Variants in CNGB1 observed in about 807,000 individuals in gnomAD.
The protein encoded by CNGB1 is cyclic nucleotide-gated channel beta-1.
In CNGB1, 126 loss-of-function variants were observed where a neutral mutation model predicts 151.7. The ratio of observed to expected loss-of-function variants is 0.83; its 90% CI spans 0.72 to 0.96. CNGB1 has a LOEUF of 0.96. CNGB1 is among the 40% of genes least tolerant of loss of function. The pLI is 0.00. For missense variants in CNGB1, 1,698 were observed against 1,627.0 expected, an observed-to-expected ratio of 1.04 and a Z score of -0.75; for synonymous variants, 623 against 635.1, an observed-to-expected ratio of 0.98 and a Z score of 0.29.
In CNGB1 at chr16:57,882,610, G is replaced by A. The variant is rs529414574; in HGVS notation, c.*1554C>T. 4.6e-5 allele frequency: 7 copies of A among 152,096 alleles called. No homozygotes were observed. The highest frequency in any genetic ancestry group is 1.7e-4 in the African/African-American group (7 of 41,500). 9.4% of individuals were successfully genotyped at this position (152,096 alleles called of 1,614,324 possible). A position where few individuals can be genotyped will look rare whatever the true frequency, so the allele number is the denominator to read the frequency against. ...TTTTCCTGTAATTTTATATAAAATG[G>A]GCAGGACCTATTGGAATTCCAGGTC... is the stretch of plus-strand genomic sequence containing the variant. On this transcript the variant is annotated 3_prime_UTR_variant, in exon 33 of 33. Coordinates refer to ENST00000251102, the MANE Select transcript of CNGB1 (RefSeq NM_001297.5).
At chr16:57,919,640 T>C (rs868059451) in intron 19 of CNGB1, among the ~76,000 whole-genome samples, 12 of 152,278 alleles carry the variant, frequency 7.9e-5, no homozygotes, top group Middle Eastern at 3.4e-3. Context: ...CCAGTACCCA[T>C]GGCTGGAATG....
At chr16:57,908,716 C>T (rs145553917) in intron 25 of CNGB1, among the ~76,000 whole-genome samples, 1,746 of 152,322 alleles carry the variant, frequency 0.011, 11 homozygotes, top group Non-Finnish European at 0.017. Context: ...GTCCCTCAAG[C>T]CTCCGCTCTG....
In CNGB1 at chr16:57,889,556, C is replaced by T. The variant is rs141182348; in HGVS notation, c.3243-1482G>A. Among the ~76,000 whole-genome samples the T allele has an allele frequency of 7.1e-3, 1,083 of 152,306 alleles. 14 individuals are homozygous for T. Among genetic ancestry groups the T allele is most frequent in the African/African-American group, 0.025 (1,035 of 41,566 alleles). ...GCAGAGGACCTAGCTAAGCCATGTC[C>T]GGACTTCTAACCCACAGAAACTGAG... On this transcript the variant is annotated intron_variant, in intron 31 of 32. Coordinates refer to ENST00000251102, the MANE Select transcript of CNGB1 (RefSeq NM_001297.5).
chr16:57,958,549 G>T, intron 10 of CNGB1, 64 bp from the exon 11 acceptor site: 1 of 1,433,350 alleles, frequency 7.0e-7, no homozygotes, highest in Non-Finnish European at 9.8e-7. Flanking sequence ...TGAGGCTGGA[G>T]TCAGCTCGTT....
intron 31 of CNGB1, among the ~76,000 whole-genome samples, chr16:57,895,334 A>C (rs1308363546): frequency 2.0e-5 from 3 of 151,902 alleles, no homozygotes; most frequent in African/African-American, 7.3e-5. Flanking sequence ...TAATTCCAGC[A>C]GAGGTTGCAG....
At chr16:57,955,304 T>C (rs780715495) in intron 12 of CNGB1, 31 of 1,551,666 alleles carry the variant, frequency 2.0e-5, no homozygotes, top group Non-Finnish European at 2.7e-5. Flanking sequence ...TCCATCCATG[T>C]GTCCATCTGA....
At chr16:57,908,674 T>A (rs1960623925) in intron 25 of CNGB1, among the ~76,000 whole-genome samples, 1 of 152,194 alleles carries the variant, frequency 6.6e-6, no homozygotes, top group South Asian at 2.1e-4. Flanking sequence ...GGGGCAGCTC[T>A]AGGAGTCACA....
intron 31 of CNGB1, among the ~76,000 whole-genome samples, chr16:57,892,677 T>C (rs1176639359): frequency 6.6e-6 from 1 of 152,122 alleles, no homozygotes; most frequent in African/African-American, 2.4e-5. Flanking sequence ...CCTAGACTCC[T>C]CTGATCCCAT....
At position 57,888,003 on chromosome 16, in the gene CNGB1, G is replaced by T. The variant is rs771200943; in HGVS notation, c.3314C>A (p.Thr1105Asn). 3 of 1,614,146 alleles carry T rather than the reference G, an allele frequency of 1.9e-6. No individual in the cohort carries two copies. The South Asian group carries it at 3.3e-5, about 18-fold the overall frequency. Residue 1105 changes from threonine (T) to asparagine (N), a missense_variant, in exon 32 of 33, where the codon ACC (threonine) becomes AAC (asparagine). Physicochemically the swap from Thr to Asn is moderately conservative, Grantham distance 65. Transcript: ENST00000251102. Reference protein sequence around the residue: ...SVLILPPRAGTPKLFNAALAM... With the variant: ...SVLILPPRAGNPKLFNAALAM... ...GAGGGCAGCGTTGAAGAGCTTTGGG[G>T]TGCCCGCCCGGGGTGGAAGGATCAG...
rs534064465 is a variant in CNGB1, at chr16:57,900,499, G to A, written c.2976+853C>T. Among the ~76,000 whole-genome samples the A allele has an allele frequency of 3.7e-4, 57 of 152,230 alleles. 2 individuals carry two copies. The highest frequency in any genetic ancestry group is 3.0e-3 in the Admixed American group (46 of 15,282). On this transcript the variant is annotated intron_variant, in intron 29 of 32. Coordinates refer to ENST00000251102, the MANE Select transcript of CNGB1 (RefSeq NM_001297.5). The stretch of plus-strand genomic sequence containing the variant: ...GAAACCTGGGTTCCTGACCCCTCCC[G>A]TCACTCACCAAGTGACCTTGGTCTC...
At position 57,967,194 on chromosome 16, in the gene CNGB1, T is replaced by C; in HGVS notation, c.93A>G (p.Pro31=). The C allele has an allele frequency of 6.2e-7, 1 of 1,614,182 alleles. No homozygotes were observed. Among genetic ancestry groups the C allele is most frequent in the Non-Finnish European group, 8.5e-7 (1 of 1,180,036 alleles). ...CTGGTTCCACCTCCGCCTCCATCTC[T>C]GGCTCTGGTTCCACTTCCTCTTCCT... The part of the protein sequence containing the change: ...MQEEEEVEPE[P]EMEAEVEPEP... Residue 31 remains proline (P), a synonymous_variant, in exon 2 of 33, where the codon CCA becomes CCG. Coordinates refer to ENST00000251102, the MANE Select transcript of CNGB1 (RefSeq NM_001297.5).
At chr16:57,922,863 CTT>C (rs60779514) in intron 18 of CNGB1, among the ~76,000 whole-genome samples, 4 of 146,816 alleles carry the variant, frequency 2.7e-5, no homozygotes, top group African/African-American at 1.0e-4. Flanking sequence ...GCCAGGGAAT[CTT>C]TTTTTTTTTT....
chr16:57,916,780 T>C (rs1195293849), intron 21 of CNGB1, among the ~76,000 whole-genome samples: 1 of 152,070 alleles, frequency 6.6e-6, no homozygotes, highest in African/African-American at 2.4e-5. Flanking sequence ...TTGGCCCAAG[T>C]AGGAGAGCAT....
chr16:57,944,531 T>C (rs1415224032), intron 14 of CNGB1, among the ~76,000 whole-genome samples: 2 of 152,156 alleles, frequency 1.3e-5, no homozygotes, highest in African/African-American at 4.8e-5. Flanking sequence ...TCTAAACTGT[T>C]CTCACCACAA....
At chr16:57,963,235 G>A (rs557419295) in intron 4 of CNGB1, among the ~76,000 whole-genome samples, 171 bp from the exon 5 acceptor site, 5 of 152,344 alleles carry the variant, frequency 3.3e-5, no homozygotes, top group African/African-American at 1.2e-4. Flanking sequence ...GGCCAGTCCA[G>A]TGTCCAAAAG....
rs531604731 is a variant in CNGB1 at position 57,955,259 on chromosome 16, G to A, written c.874+2082C>T. 32 of 1,548,238 alleles carry A rather than the reference G, an allele frequency of 2.1e-5. No individual in the cohort carries two copies. In the East Asian group the frequency reaches 2.2e-4, roughly 11 times the overall value. ...TGGGGTGTCAGTGGCCACCTCCCCCGGGAAGGTCTTCTCTTCAGGGCATCC... is the reference window on the plus strand; with the variant it reads ...TGGGGTGTCAGTGGCCACCTCCCCCAGGAAGGTCTTCTCTTCAGGGCATCC... On this transcript the variant is annotated intron_variant, in intron 12 of 32. Coordinates refer to ENST00000251102, the MANE Select transcript of CNGB1 (RefSeq NM_001297.5).
At chr16:57,903,499 T>A (rs1348326680) in intron 27 of CNGB1, among the ~76,000 whole-genome samples, 4 of 151,854 alleles carry the variant, frequency 2.6e-5, no homozygotes, top group African/African-American at 9.7e-5. Flanking sequence ...GTCAAATAAA[T>A]AAATAAATAA....
chr16:57,929,434 TGA>T (rs149439991), intron 17 of CNGB1, among the ~76,000 whole-genome samples: 183 of 115,052 alleles, frequency 1.6e-3, no homozygotes, highest in Middle Eastern at 5.2e-3. Flanking sequence ...TACACAGCAG[TGA>T]GAGAGAGAGA....
intron 12 of CNGB1, among the ~76,000 whole-genome samples, chr16:57,951,726 CA>C (rs1400039517): frequency 1.3e-5 from 2 of 152,202 alleles, no homozygotes; most frequent in African/African-American, 4.8e-5. Flanking sequence ...TTATAATTTG[CA>C]TCCCCATTTT....
Sources: allele counts gnomAD v4.1 joint callset (sites outside exome capture counted in the v4.1 genomes callset), GRCh38; gene constraint gnomAD v4.1.1; transcripts MANE v1.5; gene names NCBI Gene and HGNC (gene_info 2026-07-23, HGNC 2026-07-21).